The following CADM2 variants were observed in gnomAD, a reference collection of about 807,000 sequenced individuals.
CADM2 encodes the protein cell adhesion molecule 2, also known as immunoglobulin superfamily member 4D.
A neutral mutation model predicts 49.8 loss-of-function variants in CADM2; 12 were observed. That is an observed-to-expected ratio of 0.24 (90% CI 0.15 to 0.39). The LOEUF (loss-of-function observed/expected upper bound fraction) is 0.39, where lower values mean the gene tolerates loss of function less well. CADM2 is among the 10% of genes least tolerant of loss of function. CADM2 has a pLI of 1.00. For missense variants in CADM2, 378 were observed against 492.3 expected, an observed-to-expected ratio of 0.77 and a Z score of 2.20; for synonymous variants, 214 against 175.4, an observed-to-expected ratio of 1.22 and a Z score of -1.74.
chr3:85,217,333 T>G (rs2041950572), intron 1 of CADM2, among the ~76,000 whole-genome samples: 1 of 151,836 alleles, frequency 6.6e-6, no homozygotes, highest in South Asian at 2.1e-4. Flanking sequence ...TGAAATTAAG[T>G]TAGAAAAATA....
In CADM2 at chr3:85,606,251, C is replaced by G. The variant is rs142106098; in HGVS notation, c.62-120271C>G. On this transcript the variant is annotated intron_variant, in intron 1 of 9. Coordinates refer to ENST00000383699, the MANE Select transcript of CADM2 (RefSeq NM_001167675.2). ...TGAGTATCAGTAGAATTTGAACTCT[C>G]ATTTTTTTGATTTAAAAGTCTCCTT... 1.4e-4 allele frequency among the ~76,000 whole-genome samples: 22 copies of G among 152,148 alleles called. No homozygotes were observed. The East Asian group carries it at 4.3e-3, about 29-fold the overall frequency.
At chr3:85,277,548 A>T (rs2043387817) in intron 1 of CADM2, among the ~76,000 whole-genome samples, 1 of 151,422 alleles carries the variant, frequency 6.6e-6, no homozygotes, top group Non-Finnish European at 1.5e-5. Context: ...ATTTTGCATC[A>T]TCCTGAAACT....
intron 1 of CADM2, among the ~76,000 whole-genome samples, chr3:85,500,183 G>C (rs1020246361): frequency 2.0e-5 from 3 of 152,018 alleles, no homozygotes; most frequent in Non-Finnish European, 4.4e-5. Flanking sequence ...TTCTGTGAAA[G>C]GTTTGGTGAA....
chr3:85,724,842 CAATT>C, intron 1 of CADM2, among the ~76,000 whole-genome samples: 1 of 151,522 alleles, frequency 6.6e-6, no homozygotes, highest in Non-Finnish European at 1.5e-5. Flanking sequence ...TGTACTTAAA[CAATT>C]AAGCCAAAAC....
intron 1 of CADM2, among the ~76,000 whole-genome samples, chr3:85,144,525 T>C (rs2039673504): frequency 6.6e-6 from 1 of 151,502 alleles, no homozygotes; most frequent in Non-Finnish European, 1.5e-5. Context: ...GGCAGGAGAA[T>C]TGCTTGAACC....
At chr3:85,773,843 G>A (rs182896836) in intron 2 of CADM2, among the ~76,000 whole-genome samples, 14 of 152,042 alleles carry the variant, frequency 9.2e-5, no homozygotes, top group African/African-American at 3.1e-4. Flanking sequence ...ATATGTACAA[G>A]TGTGTGGTGA....
intron 1 of CADM2, among the ~76,000 whole-genome samples, chr3:85,479,092 C>G (rs1358558044): frequency 6.6e-6 from 1 of 151,756 alleles, no homozygotes; most frequent in African/African-American, 2.4e-5. Flanking sequence ...TACAGGCATG[C>G]AACATCATGC....
At chr3:85,639,613 C>A in intron 1 of CADM2, among the ~76,000 whole-genome samples, 1 of 152,102 alleles carries the variant, frequency 6.6e-6, no homozygotes, top group East Asian at 1.9e-4. Flanking sequence ...TATAACTTGC[C>A]TTTTAATTTG....
chr3:85,970,769 A>G (rs1157853330), intron 8 of CADM2, among the ~76,000 whole-genome samples: 3 of 151,604 alleles, frequency 2.0e-5, no homozygotes, highest in African/African-American at 7.3e-5. Flanking sequence ...GTTAATCCTC[A>G]AAAATGTTGG....
intron 1 of CADM2, among the ~76,000 whole-genome samples, chr3:85,190,272 T>G (rs1342516824): frequency 6.6e-6 from 1 of 152,154 alleles, no homozygotes; most frequent in Non-Finnish European, 1.5e-5. Flanking sequence ...GCTTGTTCAC[T>G]TCTAAACCTA....
chr3:85,271,649 T>C (rs1207847381), intron 1 of CADM2, among the ~76,000 whole-genome samples: 3 of 151,036 alleles, frequency 2.0e-5, no homozygotes, highest in Admixed American at 6.7e-5. Flanking sequence ...GTGTCAAAAT[T>C]TGAATAGCAC....
intron 1 of CADM2, among the ~76,000 whole-genome samples, chr3:85,032,392 A>T (rs1334100272): frequency 2.0e-5 from 3 of 152,214 alleles, no homozygotes; most frequent in Non-Finnish European, 4.4e-5. Context: ...GCACAGACAG[A>T]GAAAGTCATG....
At chr3:85,614,551 T>G (rs1354922121) in intron 1 of CADM2, among the ~76,000 whole-genome samples, 1 of 151,870 alleles carries the variant, frequency 6.6e-6, no homozygotes, top group Non-Finnish European at 1.5e-5. Flanking sequence ...GTTTTGATTA[T>G]ATTCTCCCCC....
chr3:85,737,304 A>G lies in CADM2; in HGVS notation c.88+10756A>G, dbSNP rs540493585. ...GTAATCGAAAATTTCATACATATAA[A>G]CAATTTAGGTGGGAGGAAACTTTAT... On this transcript the variant is annotated intron_variant, in intron 2 of 9. Coordinates refer to ENST00000383699, the MANE Select transcript of CADM2 (RefSeq NM_001167675.2). Among the ~76,000 whole-genome samples, 11 of 152,278 alleles carry G rather than the reference A, an allele frequency of 7.2e-5. 1 individual carries two copies. The highest frequency in any genetic ancestry group is 6.8e-3 in the Middle Eastern group (2 of 294).
chr3:85,862,672 G>C (rs142518541), intron 3 of CADM2, among the ~76,000 whole-genome samples: 1 of 152,074 alleles, frequency 6.6e-6, no homozygotes, highest in East Asian at 1.9e-4. Flanking sequence ...ATGCATATGA[G>C]CCAAACTACT....
chr3:85,885,489 G>A (rs1713476386), intron 4 of CADM2, among the ~76,000 whole-genome samples: 1 of 151,846 alleles, frequency 6.6e-6, no homozygotes, highest in Non-Finnish European at 1.5e-5. Context: ...TGGCCAACAT[G>A]GAGAACCACC....
intron 3 of CADM2, among the ~76,000 whole-genome samples, chr3:85,805,053 G>C (rs2072318586): frequency 6.6e-6 from 1 of 152,032 alleles, no homozygotes; most frequent in Non-Finnish European, 1.5e-5. Flanking sequence ...CAATTCTCCT[G>C]CCTCAGCCTC....
At chr3:85,783,951 T>C (rs950770779) in intron 2 of CADM2, among the ~76,000 whole-genome samples, 3 of 152,226 alleles carry the variant, frequency 2.0e-5, no homozygotes, top group Non-Finnish European at 4.4e-5. Flanking sequence ...AGCTGGTCAA[T>C]GACTTTAACA....
At chr3:85,603,545 T>A (rs570067981) in intron 1 of CADM2, among the ~76,000 whole-genome samples, 1 of 151,954 alleles carries the variant, frequency 6.6e-6, no homozygotes, top group East Asian at 1.9e-4. Flanking sequence ...AACTAAACAT[T>A]CTTTTTTTTC....
Sources: allele counts gnomAD v4.1 joint callset (sites outside exome capture counted in the v4.1 genomes callset), GRCh38; gene constraint gnomAD v4.1.1; transcripts MANE v1.5; gene names NCBI Gene and HGNC (gene_info 2026-07-23, HGNC 2026-07-21).